KCNAB1: variants seen among roughly 807,000 people sequenced by gnomAD.
KCNAB1 encodes potassium voltage-gated channel subfamily A regulatory beta subunit 1, also known as voltage-gated potassium channel subunit beta-1.
KCNAB1 carries 35 observed loss-of-function variants against 64.6 expected under a neutral mutation model. The observed-to-expected ratio is 0.54, with a 90% CI of 0.41 to 0.72. The LOEUF (loss-of-function observed/expected upper bound fraction) is 0.72, where lower values mean the gene tolerates loss of function less well. Among genes scored for constraint, KCNAB1 ranks in the 30% least tolerant of loss-of-function variants. The pLI is 0.00. For missense variants in KCNAB1, 401 were observed against 512.9 expected (o/e 0.78, Z 2.11); for synonymous variants, 177 against 183.8 (o/e 0.96, Z 0.30).
At chr3:156,202,334 G>A (rs988859993) in intron 1 of KCNAB1, among the ~76,000 whole-genome samples, 32 of 152,296 alleles carry the variant, frequency 2.1e-4, no homozygotes, top group African/African-American at 7.0e-4. Flanking sequence ...TTCCACAGAA[G>A]TCACTGGGGG....
intron 1 of KCNAB1, among the ~76,000 whole-genome samples, chr3:156,385,452 A>AAGCATCC (rs1433565157): frequency 6.6e-6 from 1 of 152,180 alleles, no homozygotes; most frequent in African/African-American, 2.4e-5. Context: ...GAAAAAAAAA[A>AAGCATCC]AAGCATCCAA....
At chr3:156,485,542 G>T (rs1715143506) in intron 8 of KCNAB1, among the ~76,000 whole-genome samples, 1 of 151,416 alleles carries the variant, frequency 6.6e-6, no homozygotes, top group Admixed American at 6.6e-5. Flanking sequence ...GCTTTTTTGG[G>T]GGGGGCATGA....
chr3:156,537,982 A>G lies in KCNAB1; in HGVS notation c.*1235A>G, dbSNP rs533222875. On this transcript the variant is annotated 3_prime_UTR_variant, in exon 14 of 14. Coordinates refer to ENST00000490337, the MANE Select transcript of KCNAB1 (RefSeq NM_172160.3). The stretch of plus-strand genomic sequence containing the variant: ...TTATATGCACTAAACTATATGCATG[A>G]AAGTTCTTTGCATGGATTAATGGGG... 3.4e-4 allele frequency: 52 copies of G among 152,316 alleles called. No homozygotes were observed. Among genetic ancestry groups the G allele is most frequent in the African/African-American group, 1.1e-3 (46 of 41,570 alleles). 9.4% of individuals were successfully genotyped at this position (152,316 alleles called of 1,614,324 possible).
chr3:156,169,171 G>T (rs1473752823), intron 1 of KCNAB1, among the ~76,000 whole-genome samples: 1 of 152,034 alleles, frequency 6.6e-6, no homozygotes, highest in African/African-American at 2.4e-5. Flanking sequence ...ATTTTTAAAG[G>T]AATATTTCCC....
At chr3:156,265,982 T>C (rs979246290) in intron 1 of KCNAB1, among the ~76,000 whole-genome samples, 10 of 152,072 alleles carry the variant, frequency 6.6e-5, no homozygotes, top group Non-Finnish European at 8.8e-5. Context: ...CACAGCGAGA[T>C]TCTGTCTCAA....
At chr3:156,303,797 T>C (rs1186611186) in intron 1 of KCNAB1, among the ~76,000 whole-genome samples, 1 of 152,164 alleles carries the variant, frequency 6.6e-6, no homozygotes, top group Admixed American at 6.5e-5. Flanking sequence ...GTCTTCCAAA[T>C]TACTATCACC....
At chr3:156,434,014 C>G (rs989688857) in intron 2 of KCNAB1, among the ~76,000 whole-genome samples, 9 of 152,158 alleles carry the variant, frequency 5.9e-5, no homozygotes, top group African/African-American at 2.2e-4. Flanking sequence ...TAAATATTTT[C>G]TAAGTGAATT....
At chr3:156,450,433 A>G (rs1711907376) in intron 2 of KCNAB1, among the ~76,000 whole-genome samples, 1 of 152,202 alleles carries the variant, frequency 6.6e-6, no homozygotes, top group South Asian at 2.1e-4. Context: ...TATTCTCTAT[A>G]TCTGTGTTCT....
chr3:156,153,543 T>C (rs1715539381), intron 1 of KCNAB1, among the ~76,000 whole-genome samples: 1 of 152,230 alleles, frequency 6.6e-6, no homozygotes, highest in Non-Finnish European at 1.5e-5. Flanking sequence ...GAAGGTGTTT[T>C]TGCATGAAAT....
At chr3:156,192,942 T>A (rs1713652259) in intron 1 of KCNAB1, among the ~76,000 whole-genome samples, 1 of 152,108 alleles carries the variant, frequency 6.6e-6, no homozygotes, top group Non-Finnish European at 1.5e-5. Flanking sequence ...AATTTGACAA[T>A]CTCCATACTT....
At chr3:156,252,300 G>A (rs1167863491) in intron 1 of KCNAB1, among the ~76,000 whole-genome samples, 1 of 152,238 alleles carries the variant, frequency 6.6e-6, no homozygotes, top group Non-Finnish European at 1.5e-5. Context: ...TGAAAGTGGT[G>A]GCTTTTCTTT....
chr3:156,354,047 ATGTGTGTGTGTG>A (rs368761986), intron 1 of KCNAB1, among the ~76,000 whole-genome samples: 1 of 137,566 alleles, frequency 7.3e-6, no homozygotes, highest in East Asian at 2.0e-4. Flanking sequence ...GTGTATATAT[ATGTGTGTGTGTG>A]TGTGTGTGTG....
At chr3:156,338,893 T>C (rs188805407) in intron 1 of KCNAB1, among the ~76,000 whole-genome samples, 1 of 152,304 alleles carries the variant, frequency 6.6e-6, no homozygotes, top group Admixed American at 6.5e-5. Flanking sequence ...CAGGCAGGAT[T>C]GGGGTGCTCC....
intron 1 of KCNAB1, among the ~76,000 whole-genome samples, chr3:156,374,901 T>C (rs1373530674): frequency 7.3e-6 from 1 of 136,200 alleles, no homozygotes; most frequent in Non-Finnish European, 1.5e-5. Flanking sequence ...AAATGATTAA[T>C]AGACGTGAGT....
At chr3:156,415,416 C>T (rs930306183) in intron 1 of KCNAB1, among the ~76,000 whole-genome samples, 4 of 152,048 alleles carry the variant, frequency 2.6e-5, no homozygotes, top group Admixed American at 6.5e-5. Context: ...TGCCCAAGGT[C>T]ACACACATCT....
chr3:156,189,146 C>G (rs1238667922), intron 1 of KCNAB1, among the ~76,000 whole-genome samples: 1 of 152,210 alleles, frequency 6.6e-6, no homozygotes, highest in East Asian at 1.9e-4. Flanking sequence ...TTGACACATT[C>G]TCAGCTTCTG....
At chr3:156,141,324 G>A (rs4680237) in intron 1 of KCNAB1, among the ~76,000 whole-genome samples, 85,265 of 151,826 alleles carry the variant, frequency 0.56, 24,578 homozygotes, top group Admixed American at 0.72. Context: ...TGATTGATGT[G>A]ACCACTACCA....
chr3:156,160,351 T>A (rs1456928253), intron 1 of KCNAB1, among the ~76,000 whole-genome samples: 2 of 152,184 alleles, frequency 1.3e-5, no homozygotes, highest in Non-Finnish European at 2.9e-5. Context: ...TCCCATAGGG[T>A]TTGGAGAAGA....
intron 1 of KCNAB1, among the ~76,000 whole-genome samples, chr3:156,360,593 A>G (rs1282928650): frequency 6.6e-6 from 1 of 152,088 alleles, no homozygotes; most frequent in East Asian, 1.9e-4. Context: ...ATTTGCCTGT[A>G]GTCCTGGCAG....
Sources: gnomAD v4.1 joint callset for allele counts (sites outside exome capture counted in the v4.1 genomes callset) on GRCh38, gnomAD v4.1.1 for gene constraint, MANE v1.5 for transcripts, NCBI Gene and HGNC (gene_info 2026-07-23, HGNC 2026-07-21) for gene names.